Variants in NEK1 observed in about 807,000 individuals in gnomAD.
NEK1 encodes serine/threonine-protein kinase Nek1.
In NEK1, 137 loss-of-function variants were observed where a neutral mutation model predicts 182.1. That is an observed-to-expected ratio of 0.75 (90% confidence interval 0.65 to 0.87). NEK1 has a LOEUF of 0.87. Among genes scored for constraint, NEK1 ranks in the 40% least tolerant of loss-of-function variants. The probability of loss-of-function intolerance (pLI) is 0.00; values close to 1 mark genes in which losing one functional copy is unlikely to be tolerated. For synonymous variants in NEK1, 513 were observed against 492.2 expected (o/e 1.04, Z -0.56); for missense variants, 1,391 against 1,494.4 (o/e 0.93, Z 1.14).
Position 169,400,403 on chromosome 4 carries a change from G to A in NEK1, c.3715-46C>T, listed in dbSNP as rs1561119514. 4 of 1,436,646 alleles carry A rather than the reference G, an allele frequency of 2.8e-6. No individual in the cohort carries two copies. The East Asian group carries it at 7.5e-5, about 27-fold the overall frequency. The allele number at this position is 1,436,646 out of a possible 1,614,324, so 89.0% of individuals were successfully genotyped here. A position where few individuals can be genotyped will look rare whatever the true frequency, so the allele number is the denominator to read the frequency against. On this transcript the variant is annotated intron_variant, in intron 34 of 35. Transcript: ENST00000507142. ...TAAATTAATATTTGAATAACTTTCT[G>A]TAATTGCAGACTTCACTTTTTATTT...
chr4:169,456,536 C>T (rs1001045214), intron 27 of NEK1, among the ~76,000 whole-genome samples: 1 of 152,082 alleles, frequency 6.6e-6, no homozygotes, highest in African/African-American at 2.4e-5. Context: ...TATAATACAA[C>T]TGATACTGCA....
chr4:169,562,001 TTAA>T (rs1762993895), intron 13 of NEK1, 110 bp from the exon 14 acceptor site: 3 of 929,392 alleles, frequency 3.2e-6, no homozygotes, highest in African/African-American at 1.9e-5. Context: ...GGTTTTTTTT[TTAA>T]AAAAAAAAAG....
At chr4:169,399,440 G>C (rs1731263793) in intron 35 of NEK1, among the ~76,000 whole-genome samples, 1 of 152,012 alleles carries the variant, frequency 6.6e-6, no homozygotes, top group Non-Finnish European at 1.5e-5. Context: ...AGTCAGGTGT[G>C]GTGGCGCACG....
chr4:169,501,295 A>G (rs1752377672), intron 23 of NEK1, among the ~76,000 whole-genome samples: 1 of 152,182 alleles, frequency 6.6e-6, no homozygotes, highest in Non-Finnish European at 1.5e-5. Flanking sequence ...CAATAATATC[A>G]TACAATAATA....
rs1428274411 is a variant in NEK1, at chr4:169,575,660, ACATTCTACTGACACTCCAGG to A, written c.1020+1248_1020+1267del. ...ACGGCTCCTCAAGTGGCTTCCCAGT[ACATTCTACTGACACTCCAGG>A]CAGTTTCGCAGGGAGTTTCGTCAGC... On this transcript the variant is annotated intron_variant, in intron 12 of 35. Transcript: ENST00000507142. Among the ~76,000 whole-genome samples the A allele has an allele frequency of 2.0e-5, 3 of 152,300 alleles. No homozygotes were observed. The East Asian group carries it at 5.8e-4, about 29-fold the overall frequency.
chr4:169,611,103 C>T (rs1179364297), intron 2 of NEK1, among the ~76,000 whole-genome samples: 1 of 152,106 alleles, frequency 6.6e-6, no homozygotes, highest in Non-Finnish European at 1.5e-5. Flanking sequence ...AATGTACATT[C>T]GTGAAAAGGT....
chr4:169,569,686 G>A lies in NEK1; in HGVS notation c.1020+7242C>T, dbSNP rs1276029565. Among the ~76,000 whole-genome samples, 14 of 152,250 alleles carry A rather than the reference G, an allele frequency of 9.2e-5. No individual in the cohort carries two copies. The East Asian group carries it at 2.7e-3, about 30-fold the overall frequency. On this transcript the variant is annotated intron_variant, in intron 12 of 35. Transcript: ENST00000507142. ...TTCGTATTTTTTTGGTGGAGACGGGGTTTCGCTGTGTTGGCCGGGCTGGTC... is the reference window on the plus strand; with the variant it reads ...TTCGTATTTTTTTGGTGGAGACGGGATTTCGCTGTGTTGGCCGGGCTGGTC...
intron 27 of NEK1, among the ~76,000 whole-genome samples, chr4:169,444,657 T>C (rs1417753842): frequency 3.9e-5 from 6 of 152,134 alleles, no homozygotes; most frequent in African/African-American, 9.7e-5. Flanking sequence ...ATAAGAGTTG[T>C]GGACTTCAAC....
At position 169,560,776 on chromosome 4, in the gene NEK1, G is replaced by A. The variant is rs563525414; in HGVS notation, c.1266+704C>T. ...AGACAGGTTCCAGGCACTGTTCTTG[G>A]AAAAAAAACTTTTTTTTTTTTTTAA... is the stretch of plus-strand genomic sequence containing the variant. On this transcript the variant is annotated intron_variant, in intron 16 of 35. Coordinates refer to ENST00000507142, the MANE Select transcript of NEK1 (RefSeq NM_001199397.3). Among the ~76,000 whole-genome samples the A allele has an allele frequency of 4.7e-5, 7 of 150,500 alleles. No homozygotes were observed. In the East Asian group the frequency reaches 1.4e-3, roughly 29 times the overall value.
At chr4:169,483,755 A>G (rs1163313422) in intron 23 of NEK1, among the ~76,000 whole-genome samples, 2 of 151,172 alleles carry the variant, frequency 1.3e-5, no homozygotes, top group Non-Finnish European at 2.9e-5. Context: ...AGTCCCAAGT[A>G]CTCGGGAGGC....
intron 19 of NEK1, among the ~76,000 whole-genome samples, chr4:169,509,289 G>A (rs1753816822): frequency 6.6e-6 from 1 of 152,020 alleles, no homozygotes; most frequent in South Asian, 2.1e-4. Flanking sequence ...CAAATGGGTT[G>A]TATATTAATT....
intron 19 of NEK1, among the ~76,000 whole-genome samples, chr4:169,521,237 A>C (rs1157302816): frequency 8.5e-5 from 4 of 47,210 alleles, no homozygotes; most frequent in African/African-American, 3.1e-4. Flanking sequence ...CGGTCTGAAA[A>C]GCACAATATT....
At position 169,561,828 on chromosome 4, in the gene NEK1, C is replaced by T. The variant is rs369300755; in HGVS notation, c.1140+4G>A. Reference sequence around the variant, plus strand: ...AAGGTAGAAAAACAAGAGCAAAAAACTACCTGATCCTTTTGTTTCTTTTCT... The same window carrying T: ...AAGGTAGAAAAACAAGAGCAAAAAATTACCTGATCCTTTTGTTTCTTTTCT... On this transcript the variant is annotated splice_donor_region_variant and intron_variant, in intron 14 of 35. Transcript: ENST00000507142. The T allele has an allele frequency of 6.4e-5, 103 of 1,609,786 alleles. No individual in the cohort carries two copies. The highest frequency in any genetic ancestry group is 8.4e-5 in the Non-Finnish European group (99 of 1,178,352).
chr4:169,448,765 T>A (rs571708258), intron 27 of NEK1, among the ~76,000 whole-genome samples: 38 of 152,312 alleles, frequency 2.5e-4, no homozygotes, highest in African/African-American at 8.9e-4. Flanking sequence ...GATTTCTGCA[T>A]TTCCAACTGA....
chr4:169,454,313 A>AAT (rs1742416270), intron 27 of NEK1, among the ~76,000 whole-genome samples: 1 of 152,202 alleles, frequency 6.6e-6, no homozygotes, highest in Non-Finnish European at 1.5e-5. Context: ...ATGGCAACAA[A>AAT]AGCCAGAATA....
At chr4:169,559,934 G>C (rs1171934971) in intron 16 of NEK1, among the ~76,000 whole-genome samples, 2 of 152,214 alleles carry the variant, frequency 1.3e-5, no homozygotes, top group Non-Finnish European at 2.9e-5. Context: ...GCTTGAACCC[G>C]GGAGGCAGAG....
chr4:169,398,075 A>C lies in NEK1; in HGVS notation c.3847+2150T>G, dbSNP rs577996884. Among the ~76,000 whole-genome samples the C allele has an allele frequency of 2.0e-5, 3 of 152,350 alleles. No homozygotes were observed. The South Asian group carries it at 6.2e-4, about 32-fold the overall frequency. On this transcript the variant is annotated intron_variant, in intron 35 of 35. Coordinates refer to ENST00000507142, the MANE Select transcript of NEK1 (RefSeq NM_001199397.3). Reference sequence around the variant, plus strand: ...TGACATATGAGAAACAGCCTCATGAAATCTAAATATTGTAAAAATTACTGA... The same window carrying C: ...TGACATATGAGAAACAGCCTCATGACATCTAAATATTGTAAAAATTACTGA...
intron 23 of NEK1, among the ~76,000 whole-genome samples, chr4:169,503,705 A>G (rs1378024547): frequency 6.6e-6 from 1 of 152,186 alleles, no homozygotes; most frequent in Admixed American, 6.6e-5. Context: ...CTTTTGCCAT[A>G]TACAAAAATC....
intron 10 of NEK1, among the ~76,000 whole-genome samples, chr4:169,583,155 T>C (rs969905361): frequency 6.6e-6 from 1 of 151,796 alleles, no homozygotes; most frequent in African/African-American, 2.4e-5. Context: ...GTATCACAAC[T>C]ACTCAGGAGG....
Sources: gnomAD v4.1 joint callset for allele counts (sites outside exome capture counted in the v4.1 genomes callset) on GRCh38, gnomAD v4.1.1 for gene constraint, MANE v1.5 for transcripts, NCBI Gene and HGNC (gene_info 2026-07-23, HGNC 2026-07-21) for gene names.